The following NLGN4X variants were observed in gnomAD, a reference collection of about 807,000 sequenced individuals.
NLGN4X encodes the protein neuroligin 4 X-linked.
NLGN4X carries 3 observed loss-of-function variants against 40.3 expected under a neutral mutation model. The ratio of observed to expected loss-of-function variants is 0.07; its 90% CI spans 0.03 to 0.19. NLGN4X has a LOEUF of 0.19. NLGN4X is among the 10% of genes least tolerant of loss of function. The pLI, the probability that NLGN4X is intolerant of heterozygous loss-of-function variation, is 1.00. For synonymous variants in NLGN4X, 270 were observed against 306.8 expected (o/e 0.88, Z 1.25); for missense variants, 382 against 708.3 (o/e 0.54, Z 5.23).
chrX:6,199,714 A>C (rs1923425417), intron 1 of NLGN4X, among the ~76,000 whole-genome samples: 2 of 112,083 alleles, frequency 1.8e-5, no homozygotes, highest in African/African-American at 3.2e-5. Flanking sequence ...AAATTTGACA[A>C]AAATTTTCTA....
chrX:6,122,930 G>A (rs1202744859), intron 2 of NLGN4X, among the ~76,000 whole-genome samples: 17 of 108,744 alleles, frequency 1.6e-4, no homozygotes, highest in Non-Finnish European at 3.8e-5. Context: ...TCCCAAAATG[G>A]ATCTGGGATG....
At chrX:5,918,156 T>A (rs956731060) in intron 3 of NLGN4X, among the ~76,000 whole-genome samples, 1 of 105,976 alleles carries the variant, frequency 9.4e-6, no homozygotes, top group African/African-American at 3.5e-5. Context: ...CAGAAAAGGT[T>A]TTTTTTTTTT....
At chrX:5,913,591 A>C (rs1018084376) in intron 3 of NLGN4X, among the ~76,000 whole-genome samples, 2 of 112,113 alleles carry the variant, frequency 1.8e-5, no homozygotes, top group Non-Finnish European at 3.8e-5. Context: ...CTCTCCTCCA[A>C]TAATTGAACA....
At chrX:5,908,102 GAGAC>G (rs1285068231) in intron 4 of NLGN4X, among the ~76,000 whole-genome samples, 2 of 103,750 alleles carry the variant, frequency 1.9e-5, no homozygotes, top group African/African-American at 7.1e-5. Context: ...GAGAGGGTGA[GAGAC>G]AGAGCAAAAG....
intron 3 of NLGN4X, among the ~76,000 whole-genome samples, chrX:5,937,059 C>T (rs1215635363): frequency 9.0e-6 from 1 of 111,024 alleles, no homozygotes; most frequent in Admixed American, 9.6e-5. Context: ...ACACCTCTCT[C>T]TCTCTCTTAC....
At chrX:5,931,108 G>A (rs1352110483) in intron 3 of NLGN4X, among the ~76,000 whole-genome samples, 1 of 112,121 alleles carries the variant, frequency 8.9e-6, no homozygotes, top group Non-Finnish European at 1.9e-5. Context: ...GATCTATATA[G>A]TGATGGGTTG....
At chrX:5,978,315 T>C (rs1177119502) in intron 3 of NLGN4X, among the ~76,000 whole-genome samples, 2 of 94,214 alleles carry the variant, frequency 2.1e-5, no homozygotes, top group African/African-American at 9.2e-5. Context: ...TTTCTTTCTT[T>C]CTTTCTTTCT....
At chrX:5,961,567 T>A (rs997997484) in intron 3 of NLGN4X, among the ~76,000 whole-genome samples, 1 of 111,999 alleles carries the variant, frequency 8.9e-6, no homozygotes, top group African/African-American at 3.2e-5. Flanking sequence ...AAAATGAGAA[T>A]GTTAACTTGT....
chrX:6,036,003 G>A (rs1602106432), intron 2 of NLGN4X, among the ~76,000 whole-genome samples: 1 of 111,368 alleles, frequency 9.0e-6, no homozygotes, highest in Non-Finnish European at 1.9e-5. Flanking sequence ...GTTAAGTGTT[G>A]GGGGGGTAAA....
intron 3 of NLGN4X, among the ~76,000 whole-genome samples, chrX:5,917,581 A>T (rs2032859457): frequency 8.9e-6 from 1 of 111,982 alleles, no homozygotes; most frequent in Admixed American, 9.5e-5. Flanking sequence ...AATGGGGAGG[A>T]GAATAGTAGC....
At chrX:6,038,351 A>G (rs967343779) in intron 2 of NLGN4X, among the ~76,000 whole-genome samples, 2 of 112,686 alleles carry the variant, frequency 1.8e-5, no homozygotes, top group African/African-American at 6.4e-5. Flanking sequence ...AAGAACAGGT[A>G]CACAACCTGG....
At chrX:5,964,454 A>G (rs1011684180) in intron 3 of NLGN4X, among the ~76,000 whole-genome samples, 1 of 112,329 alleles carries the variant, frequency 8.9e-6, no homozygotes, top group African/African-American at 3.2e-5. Flanking sequence ...GTTAAATTTG[A>G]AAATTAATGC....
chrX:6,140,236 C>G (rs1016047630), intron 2 of NLGN4X, among the ~76,000 whole-genome samples: 4 of 111,500 alleles, frequency 3.6e-5, no homozygotes, highest in African/African-American at 1.3e-4. Context: ...CAGGCACTTT[C>G]CCTGAGGCAA....
At chrX:5,985,856 C>T (rs1233646055) in intron 3 of NLGN4X, among the ~76,000 whole-genome samples, 1 of 111,382 alleles carries the variant, frequency 9.0e-6, no homozygotes, top group East Asian at 2.8e-4. Context: ...TAACGTCAAA[C>T]TAAACAGACA....
At chrX:6,022,299 A>T (rs1197041052) in intron 3 of NLGN4X, among the ~76,000 whole-genome samples, 1 of 112,038 alleles carries the variant, frequency 8.9e-6, no homozygotes, top group Non-Finnish European at 1.9e-5. Flanking sequence ...TGATTCTCGA[A>T]AAAGGAAATG....
intron 3 of NLGN4X, among the ~76,000 whole-genome samples, chrX:5,974,094 C>T (rs763362477): frequency 2.7e-5 from 3 of 111,622 alleles, no homozygotes; most frequent in South Asian, 3.8e-4. Context: ...TGTTTAGTCA[C>T]GTCTCTGGAA....
At chrX:6,021,849 T>C (rs928179444) in intron 3 of NLGN4X, among the ~76,000 whole-genome samples, 1 of 110,540 alleles carries the variant, frequency 9.0e-6, no homozygotes, top group Non-Finnish European at 1.9e-5. Flanking sequence ...TGCTGTGTTA[T>C]CTACTGCATG....
intron 3 of NLGN4X, among the ~76,000 whole-genome samples, chrX:6,003,253 C>G (rs765665628): frequency 1.3e-4 from 15 of 112,080 alleles, no homozygotes; most frequent in Non-Finnish European, 2.3e-4. Flanking sequence ...AGTAAGCTTA[C>G]AGTGGCGTGA....
chrX:6,144,490 G>GT (rs1312046536), intron 2 of NLGN4X, among the ~76,000 whole-genome samples: 1 of 111,640 alleles, frequency 9.0e-6, no homozygotes, highest in Admixed American at 9.5e-5. Context: ...TAAGGTCAGA[G>GT]TTTCTTCCAT....
Sources: allele counts gnomAD v4.1 joint callset (sites outside exome capture counted in the v4.1 genomes callset), GRCh38; gene constraint gnomAD v4.1.1; transcripts MANE v1.5; gene names NCBI Gene and HGNC (gene_info 2026-07-23, HGNC 2026-07-21).